The following TMEM63B variants were observed in gnomAD, a reference collection of about 807,000 sequenced individuals.
The protein encoded by TMEM63B is transmembrane protein 63B, also known as mechanosensitive cation channel TMEM63B.
Under a neutral mutation model 102.6 loss-of-function variants are expected in TMEM63B, and 23 were observed. The observed-to-expected ratio is 0.22, with a 90% CI of 0.16 to 0.32. TMEM63B has a LOEUF of 0.32. Among genes scored for constraint, TMEM63B ranks in the 10% least tolerant of loss-of-function variants. TMEM63B has a pLI of 1.00. For missense variants in TMEM63B, 628 were observed against 1,095.9 expected, an observed-to-expected ratio of 0.57 and a Z score of 6.03; for synonymous variants, 444 against 437.0, an observed-to-expected ratio of 1.02 and a Z score of -0.20.
At position 44,148,375 on chromosome 6, in the gene TMEM63B, A is replaced by C. The variant is rs773861565; in HGVS notation, c.1111A>C (p.Ile371Leu). 1.9e-5 allele frequency: 30 copies of C among 1,614,142 alleles called. No homozygotes were observed. The East Asian group carries it at 6.7e-4, about 36-fold the overall frequency. Residue 371 changes from isoleucine (I) to leucine (L), a missense_variant, in exon 13 of 24, where the codon ATC becomes CTC. Ile to Leu is a conservative substitution (Grantham distance 5). Coordinates refer to ENST00000323267, the MANE Select transcript of TMEM63B (RefSeq NM_018426.3). This position sits in a 1 kb window ranked among gnomAD's most constrained non-coding sequence, Gnocchi z 5.1. ...MAFVTFHNET[I>L]TAIILKDFNV... ...CTTTGTCACCTTCCACAATGAGACT[A>C]TCACCGCCATGTGAGTCCCCAACTC... is the stretch of plus-strand genomic sequence containing the variant.
rs763977721 is a variant in TMEM63B at position 44,148,354 on chromosome 6, G to C, written c.1090G>C (p.Val364Leu). The part of the protein sequence containing the change: ...VNEKPLGMAF[V>L]TFHNETITAI... ...TGAGAAGCCTCTTGGCATGGCCTTTGTCACCTTCCACAATGAGACTATCAC... is the reference window on the plus strand; with the variant it reads ...TGAGAAGCCTCTTGGCATGGCCTTTCTCACCTTCCACAATGAGACTATCAC... Residue 364 changes from valine (V) to leucine (L), a missense_variant, in exon 13 of 24, where the codon GTC becomes CTC. Val to Leu is a conservative substitution (Grantham distance 32, BLOSUM62 1). This residue lies in a region of TMEM63B where 336 missense variants were observed against 580.3 expected (regional missense o/e 0.58). Transcript: ENST00000323267. The surrounding 1 kb of genome is among the most constrained non-coding windows in gnomAD (Gnocchi z 5.1). 6.2e-7 allele frequency: 1 copy of C among 1,614,252 alleles called. No individual in the cohort carries two copies. The highest frequency in any genetic ancestry group is 8.5e-7 in the Non-Finnish European group (1 of 1,180,040).
At chr6:44,127,083 G>A (rs1777178272), upstream of TMEM63B, 1 of 152,188 alleles carries the variant, frequency 6.6e-6, no homozygotes, top group Admixed American at 6.5e-5. Flanking sequence ...GTGAGCGCCG[G>A]CCACGGACTT....
intron 23 of TMEM63B, 80 bp downstream of exon 23, chr6:44,154,525 G>T: frequency 6.3e-7 from 1 of 1,578,790 alleles, no homozygotes. Context: ...CTGCAGAAAG[G>T]GGAACCTGTG....
At chr6:44,137,361 C>T (rs1763173856) in intron 5 of TMEM63B, among the ~76,000 whole-genome samples, 1 of 152,152 alleles carries the variant, frequency 6.6e-6, no homozygotes. Flanking sequence ...CTGGTCAGTC[C>T]CTCTTGGGCT....
chr6:44,131,160 T>C (rs1778199362), intron 1 of TMEM63B, among the ~76,000 whole-genome samples: 1 of 149,634 alleles, frequency 6.7e-6, no homozygotes, highest in African/African-American at 2.5e-5. Context: ...CCCTGTGATC[T>C]GCCCAGCTCG....
At chr6:44,135,126 T>G in intron 3 of TMEM63B, 30 bp downstream of exon 3, 1 of 1,610,956 alleles carries the variant, frequency 6.2e-7, no homozygotes, top group Non-Finnish European at 8.5e-7. Flanking sequence ...CCTCTAGCTC[T>G]CCACACACAC....
chr6:44,134,284 A>G (rs1762499463), intron 1 of TMEM63B: 2 of 393,044 alleles, frequency 5.1e-6, no homozygotes, highest in East Asian at 8.6e-5. Context: ...AAAATCACAG[A>G]TACCTTCCAG....
In TMEM63B at chr6:44,148,125, A is replaced by G. The variant is rs2128255681; in HGVS notation, c.988-127A>G. ...GCATCAGAGCGAGACGCTGTTTCCA[A>G]AAAAAAAAAAATGCTTAGAGGAGCA... On this transcript the variant is annotated intron_variant, in intron 12 of 23. Transcript: ENST00000323267. The surrounding 1 kb of genome is among the most constrained non-coding windows in gnomAD (Gnocchi z 5.1). The G allele has an allele frequency of 1.4e-5, 16 of 1,148,160 alleles. No individual in the cohort carries two copies. The South Asian group carries it at 3.0e-4, about 21-fold the overall frequency. The allele number at this position is 1,148,160 out of a possible 1,614,324, so 71.1% of individuals were successfully genotyped here.
In TMEM63B at chr6:44,135,308, T is replaced by C; in HGVS notation, c.240-20T>C. 1.9e-6 allele frequency: 3 copies of C among 1,611,352 alleles called. No individual in the cohort carries two copies. Among genetic ancestry groups the C allele is most frequent in the Non-Finnish European group, 2.5e-6 (3 of 1,178,512 alleles). On this transcript the variant is annotated intron_variant, in intron 3 of 23. Transcript: ENST00000323267. ...GACTCTCCCCCGCCCCTGCTAACCCTGTCTGTTCTCTGTCCCCAGGCTTCG... is the reference window on the plus strand; with the variant it reads ...GACTCTCCCCCGCCCCTGCTAACCCCGTCTGTTCTCTGTCCCCAGGCTTCG...
At chr6:44,146,513 C>T (rs1461967112) in intron 10 of TMEM63B, among the ~76,000 whole-genome samples, 4 of 151,006 alleles carry the variant, frequency 2.6e-5, no homozygotes, top group South Asian at 2.1e-4. Context: ...TGCAGTGGCG[C>T]GATCTTGGCT....
intron 10 of TMEM63B, among the ~76,000 whole-genome samples, chr6:44,143,117 A>C (rs752335897): frequency 8.5e-5 from 13 of 152,222 alleles, no homozygotes; most frequent in African/African-American, 1.4e-4. Context: ...GTGTGATCCA[A>C]TCAGAGATAG....
chr6:44,154,560 G>T lies in TMEM63B; in HGVS notation c.2307+115G>T, dbSNP rs1582838624. 2.5e-5 allele frequency: 37 copies of T among 1,489,984 alleles called. No individual in the cohort carries two copies. In the East Asian group the frequency reaches 8.3e-4, roughly 33 times the overall value. 92.3% of individuals were successfully genotyped at this position (1,489,984 alleles called of 1,614,324 possible). ...GCCAGACCCCATGGGGGCGGGAAGA[G>T]AGCTGGTCTCCCTGGAGGGCTGCCC... On this transcript the variant is annotated intron_variant, in intron 23 of 23. Transcript: ENST00000323267.
At chr6:44,144,486 T>C (rs1472446721) in intron 10 of TMEM63B, among the ~76,000 whole-genome samples, 1 of 152,104 alleles carries the variant, frequency 6.6e-6, no homozygotes, top group Admixed American at 6.6e-5. Flanking sequence ...AAGGACCCTA[T>C]CCCAGATTTA....
At chr6:44,154,670 C>T (rs1322936405) in intron 23 of TMEM63B, 22 bp from the exon 24 acceptor site, 11 of 1,506,224 alleles carry the variant, frequency 7.3e-6, no homozygotes, top group Non-Finnish European at 9.7e-6. Context: ...TCACCTTGCC[C>T]CCATTTCCTC....
rs755839712 is a variant in TMEM63B, at chr6:44,141,112, G to A, written c.782+14G>A. The A allele has an allele frequency of 1.6e-5, 26 of 1,612,918 alleles. No homozygotes were observed. The highest frequency in any genetic ancestry group is 1.3e-4 in the African/African-American group (10 of 74,876). ...GAAGCATTTTGAGTGAGTAAGCCAC[G>A]CTTCCCCCTACCCTCAAGCCCTGCT... On this transcript the variant is annotated intron_variant, in intron 10 of 23. Coordinates refer to ENST00000323267, the MANE Select transcript of TMEM63B (RefSeq NM_018426.3).
intron 1 of TMEM63B, chr6:44,132,407 G>A: frequency 1.2e-6 from 1 of 835,022 alleles, no homozygotes; most frequent in South Asian, 5.5e-5. Context: ...GAGTTGATAG[G>A]AATGGTACTC....
At chr6:44,127,405 C>G (rs1777318334), upstream of TMEM63B, 1 of 152,634 alleles carries the variant, frequency 6.6e-6, no homozygotes, top group Non-Finnish European at 1.5e-5. Flanking sequence ...GCCTTCGCCC[C>G]ACGCGGCCTC....
chr6:44,135,043 C>T lies in TMEM63B; in HGVS notation c.186C>T (p.Leu62=). 2 of 1,614,242 alleles carry T rather than the reference C, an allele frequency of 1.2e-6. No homozygotes were observed. The highest frequency in any genetic ancestry group is 1.1e-5 in the South Asian group (1 of 91,086). ...CACTGCTGTTCTTATTCTCTATCCT[C>T]CGGAAGGTGGCCTGGGACTATGGGC... ...FLALLFLFSI[L]RKVAWDYGRL... The change falls in exon 3 of 24, where the codon CTC becomes CTT. Residue 62 remains leucine, a synonymous_variant. Coordinates refer to ENST00000323267, the MANE Select transcript of TMEM63B (RefSeq NM_018426.3).
chr6:44,148,189 G>A lies in TMEM63B; in HGVS notation c.988-63G>A. On this transcript the variant is annotated intron_variant, in intron 12 of 23. Transcript: ENST00000323267. This position sits in a 1 kb window ranked among gnomAD's most constrained non-coding sequence, Gnocchi z 5.1. ...AGGAAGCCCCAAGTCAGCGTGGGCTGGATGCTGCAGGCCCCAGCCTGGCTT... is the reference window on the plus strand; with the variant it reads ...AGGAAGCCCCAAGTCAGCGTGGGCTAGATGCTGCAGGCCCCAGCCTGGCTT... 2 of 1,599,654 alleles carry A rather than the reference G, an allele frequency of 1.3e-6. No homozygotes were observed. The highest frequency in any genetic ancestry group is 1.1e-5 in the South Asian group (1 of 89,946).
Sources: allele counts gnomAD v4.1 joint callset (sites outside exome capture counted in the v4.1 genomes callset), GRCh38; gene constraint gnomAD v4.1.1; regional missense constraint gnomAD v4.1.1; non-coding constraint Gnocchi (gnomAD v3.1); transcripts MANE v1.5; gene names NCBI Gene and HGNC (gene_info 2026-07-23, HGNC 2026-07-21).